SGK3: variants seen among roughly 807,000 people sequenced by gnomAD.
SGK3 encodes serum/glucocorticoid regulated kinase family member 3, also known as serine/threonine-protein kinase Sgk3.
Under a neutral mutation model 68.5 loss-of-function variants are expected in SGK3, and 47 were observed. The observed-to-expected ratio is 0.69, with a 90% CI of 0.54 to 0.87. SGK3 has a LOEUF of 0.87. Among genes scored for constraint, SGK3 ranks in the 40% least tolerant of loss-of-function variants. The pLI, the probability that SGK3 is intolerant of heterozygous loss-of-function variation, is 0.00. For synonymous variants in SGK3, 181 were observed against 189.1 expected (o/e 0.96, Z 0.35); for missense variants, 479 against 575.5 (o/e 0.83, Z 1.72).
chr8:66,800,947 T>C (rs971861395), intron 3 of SGK3, among the ~76,000 whole-genome samples: 2 of 152,290 alleles, frequency 1.3e-5, no homozygotes, highest in South Asian at 2.1e-4. Flanking sequence ...ACCATGCCAC[T>C]ACACCCTTGA....
intron 1 of SGK3, among the ~76,000 whole-genome samples, chr8:66,792,251 C>A (rs552481689): frequency 1.3e-5 from 2 of 151,352 alleles, no homozygotes; most frequent in Non-Finnish European, 2.9e-5. Flanking sequence ...ATTGCTTGAA[C>A]CCAAGAGGCG....
intron 5 of SGK3, 68 bp from the exon 6 acceptor site, chr8:66,822,304 C>T: frequency 2.1e-6 from 3 of 1,407,344 alleles, no homozygotes; most frequent in East Asian, 2.4e-5. Context: ...TTTTGATTTT[C>T]ATTTTAAAAG....
chr8:66,847,500 C>T, intron 15 of SGK3, 152 bp downstream of exon 15: 1 of 1,276,962 alleles, frequency 7.8e-7, no homozygotes, highest in Non-Finnish European at 1.1e-6. Context: ...CAGTTTTCAC[C>T]TGTATTTATA....
rs956227157 is a variant in SGK3 at position 66,751,890 on chromosome 8, C to T, written c.-122+39057C>T. 2.8e-4 allele frequency among the ~76,000 whole-genome samples: 42 copies of T among 151,956 alleles called. 1 individual carries two copies. Among genetic ancestry groups the T allele is most frequent in the African/African-American group, 5.8e-4 (24 of 41,380 alleles). On this transcript the variant is annotated intron_variant, in intron 1 of 16. Coordinates refer to ENST00000521198, the MANE Select transcript of SGK3 (RefSeq NM_001033578.3). ...AAGCAGTTCTCCTGCCTCAGCCTCC[C>T]GAGTAACTGGGATTGGAGGCATAAG... is the stretch of plus-strand genomic sequence containing the variant.
At chr8:66,796,828 A>G (rs1359376188) in intron 2 of SGK3, among the ~76,000 whole-genome samples, 1 of 152,114 alleles carries the variant, frequency 6.6e-6, no homozygotes, top group East Asian at 1.9e-4. Flanking sequence ...AACTTTCATT[A>G]TACAGGGACA....
At chr8:66,801,400 A>G (rs1479910048) in intron 3 of SGK3, among the ~76,000 whole-genome samples, 2 of 152,080 alleles carry the variant, frequency 1.3e-5, no homozygotes, top group East Asian at 3.9e-4. Flanking sequence ...AGCCAATGAG[A>G]GTTTGTACAT....
At chr8:66,749,295 C>T (rs1476638334) in intron 1 of SGK3, among the ~76,000 whole-genome samples, 9 of 152,066 alleles carry the variant, frequency 5.9e-5, no homozygotes, top group Non-Finnish European at 1.2e-4. Context: ...GGGCGGATCA[C>T]GAGGCCCGGA....
At chr8:66,765,457 C>A (rs1439911119) in intron 1 of SGK3, among the ~76,000 whole-genome samples, 1 of 152,144 alleles carries the variant, frequency 6.6e-6, no homozygotes, top group African/African-American at 2.4e-5. Context: ...GGATGCTAGA[C>A]TCTTATGAGA....
At chr8:66,796,518 G>A (rs573353940) in intron 2 of SGK3, among the ~76,000 whole-genome samples, 72 of 148,054 alleles carry the variant, frequency 4.9e-4, no homozygotes, top group Admixed American at 7.4e-4. Flanking sequence ...GGTTGGTCTC[G>A]AACTCCTGGG....
intron 4 of SGK3, among the ~76,000 whole-genome samples, chr8:66,806,931 G>T (rs1808193582): frequency 6.6e-6 from 1 of 152,158 alleles, no homozygotes; most frequent in East Asian, 1.9e-4. Flanking sequence ...TGGAGCACAG[G>T]TTGAAAAGCA....
chr8:66,828,228 A>G lies in SGK3; in HGVS notation c.418-426A>G, dbSNP rs78523463. On this transcript the variant is annotated intron_variant, in intron 6 of 16. Transcript: ENST00000521198. ...TAAAATTGAAAACCCAGCATTTGCA[A>G]TCATCATTGTCATCATCCTATCATT... Among the ~76,000 whole-genome samples, 355 of 152,326 alleles carry G rather than the reference A, an allele frequency of 2.3e-3. 10 individuals are homozygous for G. The East Asian group carries it at 0.06, about 26-fold the overall frequency.
intron 1 of SGK3, among the ~76,000 whole-genome samples, chr8:66,748,885 T>TTTTA (rs199925799): frequency 0.027 from 4,051 of 151,712 alleles, 187 homozygotes; most frequent in African/African-American, 0.09. Context: ...TCTCACTAGA[T>TTTTA]TTTATTTATT....
chr8:66,830,982 C>G (rs1183110932), intron 7 of SGK3, among the ~76,000 whole-genome samples: 1 of 152,166 alleles, frequency 6.6e-6, no homozygotes, highest in Non-Finnish European at 1.5e-5. Flanking sequence ...ATATCCTTTT[C>G]TCCCAAAGAG....
chr8:66,753,041 C>A (rs957266392), intron 1 of SGK3, among the ~76,000 whole-genome samples: 1 of 152,096 alleles, frequency 6.6e-6, no homozygotes, highest in African/African-American at 2.4e-5. Flanking sequence ...CTGAGGTAAT[C>A]AAATGAGAGC....
chr8:66,801,097 G>T (rs889123581), intron 3 of SGK3, among the ~76,000 whole-genome samples: 1 of 152,192 alleles, frequency 6.6e-6, no homozygotes, highest in African/African-American at 2.4e-5. Context: ...AATACAGGTT[G>T]AGTATCCCTT....
Position 66,733,071 on chromosome 8 carries a change from A to G in SGK3, c.-122+20238A>G, listed in dbSNP as rs570430852. Among the ~76,000 whole-genome samples, 3 of 152,328 alleles carry G rather than the reference A, an allele frequency of 2.0e-5. No individual in the cohort carries two copies. In the East Asian group the frequency reaches 5.8e-4, roughly 29 times the overall value. ...CGAAGTGTGCATGGTACATATAGCC[A>G]GAAAAGCCGAATCATTTCGGTATTA... On this transcript the variant is annotated intron_variant, in intron 1 of 16. Coordinates refer to ENST00000521198, the MANE Select transcript of SGK3 (RefSeq NM_001033578.3).
Position 66,831,489 on chromosome 8 carries a change from AC to A in SGK3, c.525+180del, listed in dbSNP as rs978975568. Reference sequence around the variant, plus strand: ...CGAGTAGCTGGGACTATAGGCACACACCAGCATGCCTGGCTAATTTTTTCAC... The same window carrying A: ...CGAGTAGCTGGGACTATAGGCACACACAGCATGCCTGGCTAATTTTTTCAC... On this transcript the variant is annotated intron_variant, in intron 8 of 16. Coordinates refer to ENST00000521198, the MANE Select transcript of SGK3 (RefSeq NM_001033578.3). 2.2e-4 allele frequency among the ~76,000 whole-genome samples: 33 copies of A among 152,016 alleles called. 1 individual carries two copies. The highest frequency in any genetic ancestry group is 2.0e-3 in the Admixed American group (31 of 15,264).
intron 1 of SGK3, among the ~76,000 whole-genome samples, chr8:66,754,665 C>G (rs1805920346): frequency 6.6e-6 from 1 of 152,212 alleles, no homozygotes; most frequent in Admixed American, 6.5e-5. Flanking sequence ...TTAAGTAATT[C>G]TGTACATGGA....
intron 4 of SGK3, among the ~76,000 whole-genome samples, chr8:66,808,563 G>T (rs1360421526): frequency 6.6e-6 from 1 of 151,002 alleles, no homozygotes; most frequent in Non-Finnish European, 1.5e-5. Flanking sequence ...GCCCAGGCTG[G>T]AGTGCAGTGG....
Sources: gnomAD v4.1 joint callset for allele counts (sites outside exome capture counted in the v4.1 genomes callset) on GRCh38, gnomAD v4.1.1 for gene constraint, MANE v1.5 for transcripts, NCBI Gene and HGNC (gene_info 2026-07-23, HGNC 2026-07-21) for gene names.